The following CMKLR2 variants were observed in gnomAD, a reference collection of about 807,000 sequenced individuals.
CMKLR2 encodes chemerin chemokine-like receptor 2, also known as chemerin-like receptor 2.
A neutral mutation model predicts 23.0 loss-of-function variants in CMKLR2; 18 were observed. That is an observed-to-expected ratio of 0.78 (90% CI 0.54 to 1.16). The LOEUF is 1.16. Among genes scored for constraint, CMKLR2 ranks in the 50% most tolerant of loss-of-function variants. The pLI is 0.00. For missense variants in CMKLR2, 401 were observed against 412.7 expected (o/e 0.97, Z 0.25); for synonymous variants, 158 against 158.9 (o/e 0.99, Z 0.05).
intron 1 of CMKLR2, among the ~76,000 whole-genome samples, chr2:206,209,173 A>G (rs1358735564): frequency 1.3e-5 from 2 of 151,922 alleles, no homozygotes; most frequent in Non-Finnish European, 2.9e-5. Context: ...CTCCGTTTCT[A>G]CTAAAAATAC....
intron 1 of CMKLR2, among the ~76,000 whole-genome samples, chr2:206,189,153 A>C (rs1688672760): frequency 6.6e-6 from 1 of 152,206 alleles, no homozygotes; most frequent in Non-Finnish European, 1.5e-5. Flanking sequence ...ATCTTAAGGC[A>C]GTTTAGGCTC....
In CMKLR2 at chr2:206,181,927, GGTAACA is replaced by G. The variant is rs1318815652; in HGVS notation, c.-28-4658_-28-4653del. ...GATCATACCACTGCACTCCAGCCTG[GGTAACA>G]AGAGCAAAACTCCACCTCAAAAAAA... On this transcript the variant is annotated intron_variant, in intron 1 of 1. Coordinates refer to ENST00000621141, the MANE Select transcript of CMKLR2 (RefSeq NM_001389445.1). Among the ~76,000 whole-genome samples, 12 of 145,474 alleles carry G rather than the reference GGTAACA, an allele frequency of 8.2e-5. 1 individual carries two copies. The South Asian group carries it at 2.2e-3, about 27-fold the overall frequency.
chr2:206,194,981 C>G (rs1180934259), intron 1 of CMKLR2, among the ~76,000 whole-genome samples: 1 of 151,774 alleles, frequency 6.6e-6, no homozygotes, highest in African/African-American at 2.4e-5. Context: ...TGGTCTCGAT[C>G]TCCTGACCTC....
At chr2:206,189,128 T>C (rs980189498) in intron 1 of CMKLR2, among the ~76,000 whole-genome samples, 17 of 152,320 alleles carry the variant, frequency 1.1e-4, no homozygotes, top group African/African-American at 3.6e-4. Context: ...ACTGCAAAAA[T>C]GTACACCTCA....
chr2:206,216,367 C>T (rs912647222), upstream of CMKLR2, among the ~76,000 whole-genome samples: 1 of 152,106 alleles, frequency 6.6e-6, no homozygotes, highest in Non-Finnish European at 1.5e-5. Flanking sequence ...AGGCAGGAGA[C>T]CTGCTTGAAC....
chr2:206,191,186 A>C lies in CMKLR2; in HGVS notation c.-28-13911T>G, dbSNP rs184493583. On this transcript the variant is annotated intron_variant, in intron 1 of 1. Coordinates refer to ENST00000621141, the MANE Select transcript of CMKLR2 (RefSeq NM_001389445.1). ...GATCATGGACAAATTACCTGCTACC[A>C]AGAAATCTGTTTCCTTACTTGTTAA... 2.0e-5 allele frequency among the ~76,000 whole-genome samples: 3 copies of C among 152,308 alleles called. No individual in the cohort carries two copies. The East Asian group carries it at 5.8e-4, about 29-fold the overall frequency.
At chr2:206,188,952 A>C (rs900952340) in intron 1 of CMKLR2, among the ~76,000 whole-genome samples, 2 of 152,228 alleles carry the variant, frequency 1.3e-5, no homozygotes, top group African/African-American at 4.8e-5. Flanking sequence ...ACTGTGTAAC[A>C]TTAAACTTTA....
chr2:206,192,650 T>C (rs1349471427), intron 1 of CMKLR2, among the ~76,000 whole-genome samples: 3 of 151,972 alleles, frequency 2.0e-5, no homozygotes, highest in African/African-American at 7.2e-5. Context: ...TTTCATAAAC[T>C]GAAACAAGTG....
rs1382042280 is a variant in CMKLR2 at position 206,176,151 on chromosome 2, C to T, written c.*29G>A. 2.0e-6 allele frequency: 3 copies of T among 1,497,460 alleles called. No individual in the cohort carries two copies. The highest frequency in any genetic ancestry group is 2.7e-6 in the Non-Finnish European group (3 of 1,098,472). 92.8% of individuals were successfully genotyped at this position (1,497,460 alleles called of 1,614,324 possible). On this transcript the variant is annotated 3_prime_UTR_variant, in exon 2 of 2. Coordinates refer to ENST00000621141, the MANE Select transcript of CMKLR2 (RefSeq NM_001389445.1). ...CAGTCAGAGGACCCACATAAAAAGC[C>T]ATATACTGATTTGTGGAAAAGTAAT...
rs150952559 is a variant in CMKLR2 at position 206,176,815 on chromosome 2, A to G, written c.433T>C (p.Ser145Pro). 6 of 1,614,068 alleles carry G rather than the reference A, an allele frequency of 3.7e-6. No homozygotes were observed. The African/African-American group carries it at 8.0e-5, about 22-fold the overall frequency. Residue 145 changes from serine to proline, a missense_variant, in exon 2 of 2, where the codon TCT becomes CCT. By Grantham distance (74) the Ser-to-Pro change is moderately conservative (BLOSUM62 -1). Transcript: ENST00000621141. ...TTCTTGAGGGTTCGATGCCGATGAG[A>G]TAAGACAGGATGGATCAAGTGGATA... is the stretch of plus-strand genomic sequence containing the variant. Reference protein sequence around the residue: ...HYIHLIHPVLSHRHRTLKNSL... With the variant: ...HYIHLIHPVLPHRHRTLKNSL...
At chr2:206,209,794 G>A (rs1470024129) in intron 1 of CMKLR2, among the ~76,000 whole-genome samples, 1 of 150,498 alleles carries the variant, frequency 6.6e-6, no homozygotes, top group African/African-American at 2.4e-5. Context: ...GACTACAGGC[G>A]CCCGCCACGA....
At chr2:206,202,837 A>G (rs1405994059) in intron 1 of CMKLR2, among the ~76,000 whole-genome samples, 1 of 152,000 alleles carries the variant, frequency 6.6e-6, no homozygotes, top group Non-Finnish European at 1.5e-5. Flanking sequence ...AGCTGCTGCC[A>G]GCCCCTCAAA....
intron 1 of CMKLR2, among the ~76,000 whole-genome samples, chr2:206,204,741 G>C (rs760035839): frequency 2.4e-4 from 36 of 151,818 alleles, no homozygotes; most frequent in Non-Finnish European, 4.7e-4. Flanking sequence ...TACTTTTGAT[G>C]GCATTTTGGA....
chr2:206,177,264 G>A lies in CMKLR2; in HGVS notation c.-17C>T, dbSNP rs763604672. On this transcript the variant is annotated 5_prime_UTR_variant, in exon 2 of 2. Transcript: ENST00000621141. ...ATCTTCCATGACCTTGCTAAATGGA[G>A]AATGAAGAAATCTGTAGAAGCAAAT... is the stretch of plus-strand genomic sequence containing the variant. 2 of 1,443,278 alleles carry A rather than the reference G, an allele frequency of 1.4e-6. No homozygotes were observed. Among genetic ancestry groups the A allele is most frequent in the South Asian group, 2.7e-5 (2 of 74,854 alleles). The allele number at this position is 1,443,278 out of a possible 1,614,324, so 89.4% of individuals were successfully genotyped here.
At chr2:206,180,799 A>G (rs1420739703) in intron 1 of CMKLR2, among the ~76,000 whole-genome samples, 3 of 145,428 alleles carry the variant, frequency 2.1e-5, no homozygotes, top group African/African-American at 7.6e-5. Flanking sequence ...CTGTTGCCCA[A>G]GCTGGAGTGC....
chr2:206,205,723 G>T (rs1049280066), intron 1 of CMKLR2, among the ~76,000 whole-genome samples: 16 of 151,566 alleles, frequency 1.1e-4, no homozygotes, highest in Non-Finnish European at 2.1e-4. Context: ...TTTTGAGATG[G>T]AGTTTCGCTC....
intron 1 of CMKLR2, among the ~76,000 whole-genome samples, chr2:206,203,161 C>CA (rs35488030): frequency 0.033 from 3,981 of 118,982 alleles, 146 homozygotes; most frequent in African/African-American, 0.082. Flanking sequence ...TCTAAAACTA[C>CA]AAAAAAAAAA....
At chr2:206,204,267 T>C (rs1689225436) in intron 1 of CMKLR2, among the ~76,000 whole-genome samples, 1 of 143,428 alleles carries the variant, frequency 7.0e-6, no homozygotes, top group Non-Finnish European at 1.5e-5. Context: ...GGCAGGAGAA[T>C]GGTGTGAACC....
intron 1 of CMKLR2, among the ~76,000 whole-genome samples, chr2:206,201,263 T>C (rs1378721265): frequency 6.6e-6 from 1 of 152,232 alleles, no homozygotes; most frequent in Non-Finnish European, 1.5e-5. Flanking sequence ...AAGCAACACC[T>C]GCCCTGAACT....
Sources: gnomAD v4.1 joint callset for allele counts (sites outside exome capture counted in the v4.1 genomes callset) on GRCh38, gnomAD v4.1.1 for gene constraint, MANE v1.5 for transcripts, NCBI Gene and HGNC (gene_info 2026-07-23, HGNC 2026-07-21) for gene names.